The following PLEKHA2 variants were observed in gnomAD, a reference collection of about 807,000 sequenced individuals.
PLEKHA2 encodes the protein pleckstrin homology domain containing A2, also known as pleckstrin homology domain-containing family A member 2.
Under a neutral mutation model 53.2 loss-of-function variants are expected in PLEKHA2, and 28 were observed. The ratio of observed to expected loss-of-function variants is 0.53; its 90% CI spans 0.39 to 0.72. The LOEUF is 0.72. Among genes scored for constraint, PLEKHA2 ranks in the 30% least tolerant of loss-of-function variants. PLEKHA2 has a pLI of 0.00. For missense variants in PLEKHA2, 426 were observed against 537.9 expected (o/e 0.79, Z 2.06); for synonymous variants, 193 against 196.4 (o/e 0.98, Z 0.14).
intron 2 of PLEKHA2, among the ~76,000 whole-genome samples, chr8:38,925,315 A>G (rs1468870550): frequency 6.6e-6 from 1 of 152,222 alleles, no homozygotes; most frequent in Non-Finnish European, 1.5e-5. Flanking sequence ...TAGTACAGCA[A>G]TCTGCAGACT....
chr8:38,944,867 T>A (rs1834680532), intron 4 of PLEKHA2, among the ~76,000 whole-genome samples: 2 of 152,250 alleles, frequency 1.3e-5, no homozygotes, highest in Non-Finnish European at 2.9e-5. Context: ...GTTTTCTTGA[T>A]GCCACAAGGC....
At chr8:38,908,874 G>T (rs980750226) in intron 1 of PLEKHA2, among the ~76,000 whole-genome samples, 4 of 152,196 alleles carry the variant, frequency 2.6e-5, no homozygotes, top group African/African-American at 4.8e-5. Flanking sequence ...GCCAGGCGCG[G>T]TGGCTCACGC....
At chr8:38,917,361 A>G (rs1053800127) in intron 1 of PLEKHA2, among the ~76,000 whole-genome samples, 2 of 152,078 alleles carry the variant, frequency 1.3e-5, no homozygotes, top group East Asian at 3.9e-4. Flanking sequence ...TTTTATTCAG[A>G]TGTTTGAATT....
rs1171720010 is a variant in PLEKHA2 at position 38,968,683 on chromosome 8, T to C, written c.915+14T>C. 1 of 1,613,586 alleles carries C rather than the reference T, an allele frequency of 6.2e-7. No homozygotes were observed. Among genetic ancestry groups the C allele is most frequent in the South Asian group, 1.1e-5 (1 of 91,070 alleles). On this transcript the variant is annotated intron_variant, in intron 11 of 11. Transcript: ENST00000617275. ...TGCCACCCCAGAGTAAGTCACTTCCTTTCTGTTGCACAGTGTCAACTCAGA... is the reference window on the plus strand; with the variant it reads ...TGCCACCCCAGAGTAAGTCACTTCCCTTCTGTTGCACAGTGTCAACTCAGA...
At chr8:38,961,721 C>G (rs1004688061) in intron 10 of PLEKHA2, among the ~76,000 whole-genome samples, 3 of 152,130 alleles carry the variant, frequency 2.0e-5, no homozygotes, top group African/African-American at 7.2e-5. Context: ...TCCTGAGTAT[C>G]TAAGAGAGCT....
At chr8:38,911,905 G>A (rs1564103187) in intron 1 of PLEKHA2, among the ~76,000 whole-genome samples, 1 of 152,244 alleles carries the variant, frequency 6.6e-6, no homozygotes, top group African/African-American at 2.4e-5. Context: ...GAGCCCAGGA[G>A]TTGGAGGCTG....
chr8:38,939,472 G>A lies in PLEKHA2; in HGVS notation c.198+3422G>A, dbSNP rs1044177780. Among the ~76,000 whole-genome samples, 4 of 152,306 alleles carry A rather than the reference G, an allele frequency of 2.6e-5. No homozygotes were observed. The South Asian group carries it at 6.2e-4, about 24-fold the overall frequency. ...CATGAGGCCAATGATGGTTGTACAC[G>A]CATGCACTCACACGTGCACTCTCAC... On this transcript the variant is annotated intron_variant, in intron 3 of 11. Transcript: ENST00000617275.
chr8:38,911,302 T>C (rs1833950794), intron 1 of PLEKHA2, among the ~76,000 whole-genome samples: 1 of 151,872 alleles, frequency 6.6e-6, no homozygotes, highest in Non-Finnish European at 1.5e-5. Context: ...AGTGGCATGA[T>C]CTCGGCTCAC....
intron 9 of PLEKHA2, among the ~76,000 whole-genome samples, chr8:38,955,285 A>G (rs780490483): frequency 4.6e-5 from 7 of 152,120 alleles, no homozygotes; most frequent in Admixed American, 6.5e-5. Flanking sequence ...CACCTCCTCA[A>G]TAGTTGTTTA....
At chr8:38,902,103 A>T (rs1833795934) in intron 1 of PLEKHA2, 2 of 151,824 alleles carry the variant, frequency 1.3e-5, no homozygotes, top group Non-Finnish European at 2.9e-5. Flanking sequence ...CCTCGAGGGG[A>T]GCTGTCGTTC....
chr8:38,908,169 T>C (rs968147357), intron 1 of PLEKHA2, among the ~76,000 whole-genome samples: 3 of 152,192 alleles, frequency 2.0e-5, no homozygotes, highest in Non-Finnish European at 4.4e-5. Context: ...CAGCATCGAC[T>C]TGGGACTGAG....
rs563666627 is a variant in PLEKHA2 at position 38,950,981 on chromosome 8, C to G, written c.477C>G (p.Pro159=). Residue 159 remains proline (P), a synonymous_variant, in exon 6 of 12, where the codon CCC becomes CCG. Transcript: ENST00000617275. ...TTGGAGGGGTGGTGGTCCACACACC[C>G]ATCAGCCAGGTGAGGGGCCTGACTG... The part of the protein sequence containing the change: ...EIIGGVVVHT[P]ISQNGGDGQE... The G allele has an allele frequency of 6.2e-7, 1 of 1,613,046 alleles. No homozygotes were observed. The highest frequency in any genetic ancestry group is 1.3e-5 in the African/African-American group (1 of 74,958).
intron 2 of PLEKHA2, among the ~76,000 whole-genome samples, chr8:38,920,604 C>T (rs1834168255): frequency 7.1e-6 from 1 of 140,462 alleles, no homozygotes; most frequent in Non-Finnish European, 1.6e-5. Flanking sequence ...TGGGATCTTA[C>T]TCCGTTGCCC....
At chr8:38,951,098 G>T in intron 6 of PLEKHA2, 108 bp downstream of exon 6, 3 of 636,610 alleles carry the variant, frequency 4.7e-6, no homozygotes, top group African/African-American at 1.9e-5. Flanking sequence ...GGTGGGAGTG[G>T]GGGGCAGCTG....
chr8:38,902,227 G>GT (rs1016681058), intron 1 of PLEKHA2, among the ~76,000 whole-genome samples: 1 of 135,484 alleles, frequency 7.4e-6, no homozygotes. Flanking sequence ...GTGTGGGGGG[G>GT]GGTGGTGGGA....
chr8:38,965,629 C>G (rs1835122116), intron 10 of PLEKHA2, among the ~76,000 whole-genome samples: 1 of 151,888 alleles, frequency 6.6e-6, no homozygotes, highest in Admixed American at 6.6e-5. Flanking sequence ...TTTTTTTTAA[C>G]CTCCAAATAC....
At position 38,972,279 on chromosome 8, in the gene PLEKHA2, T is replaced by C. The variant is rs1161607138; in HGVS notation, c.*2496T>C. 3.9e-5 allele frequency: 6 copies of C among 152,176 alleles called. No homozygotes were observed. Among genetic ancestry groups the C allele is most frequent in the Non-Finnish European group, 7.3e-5 (5 of 68,036 alleles). The allele number at this position is 152,176 out of a possible 1,614,324, so 9.4% of individuals were successfully genotyped here. On this transcript the variant is annotated 3_prime_UTR_variant, in exon 12 of 12. Coordinates refer to ENST00000617275, the MANE Select transcript of PLEKHA2 (RefSeq NM_021623.2). ...ATAGTTCATCATAACTTTGAATCTC[T>C]GGGCTTAAGCAATCCTCCCATGTTA...
chr8:38,936,293 A>T (rs770623170), intron 3 of PLEKHA2, among the ~76,000 whole-genome samples: 10 of 152,280 alleles, frequency 6.6e-5, no homozygotes, highest in South Asian at 2.1e-4. Flanking sequence ...ACATCAATCC[A>T]TAATGCTCCC....
intron 5 of PLEKHA2, 168 bp from the exon 6 acceptor site, chr8:38,950,682 T>G: frequency 2.6e-5 from 19 of 729,096 alleles, no homozygotes; most frequent in Non-Finnish European, 3.9e-5. Flanking sequence ...CGTTGCTGGT[T>G]GAGATGCTCA....
Sources: gnomAD v4.1 joint callset for allele counts (sites outside exome capture counted in the v4.1 genomes callset) on GRCh38, gnomAD v4.1.1 for gene constraint, MANE v1.5 for transcripts, NCBI Gene and HGNC (gene_info 2026-07-23, HGNC 2026-07-21) for gene names.